Variants in FBXL13 observed in about 807,000 individuals in gnomAD.
FBXL13 encodes F-box and leucine rich repeat protein 13.
In FBXL13, 67 loss-of-function variants were observed where a neutral mutation model predicts 83.6. The ratio of observed to expected loss-of-function variants is 0.80; its 90% CI spans 0.66 to 0.98. The LOEUF is 0.98. Among genes scored for constraint, FBXL13 ranks in the 50% least tolerant of loss-of-function variants. The pLI, the probability that FBXL13 is intolerant of heterozygous loss-of-function variation, is 0.00. For synonymous variants in FBXL13, 272 were observed against 299.5 expected (o/e 0.91, Z 0.95); for missense variants, 822 against 866.5 (o/e 0.95, Z 0.64).
chr7:102,951,805 CAAAAAAAA>C (rs5886239), intron 8 of FBXL13, among the ~76,000 whole-genome samples: 2 of 88,100 alleles, frequency 2.3e-5, no homozygotes, highest in Admixed American at 1.3e-4. Flanking sequence ...ACTCTCTCTC[CAAAAAAAA>C]AAAAAAAAAA....
At chr7:102,855,669 G>A (rs543265801) in intron 16 of FBXL13, among the ~76,000 whole-genome samples, 20 of 115,572 alleles carry the variant, frequency 1.7e-4, no homozygotes, top group South Asian at 3.2e-4. Flanking sequence ...CTCACCTGCC[G>A]CCATTCTATG....
chr7:102,903,702 C>T (rs916621292), intron 11 of FBXL13, among the ~76,000 whole-genome samples: 2 of 151,874 alleles, frequency 1.3e-5, no homozygotes, highest in Non-Finnish European at 2.9e-5. Flanking sequence ...TGATCAAATG[C>T]TTTCCAGCAT....
At chr7:102,992,478 A>G (rs1326188120) in intron 6 of FBXL13, among the ~76,000 whole-genome samples, 1 of 152,108 alleles carries the variant, frequency 6.6e-6, no homozygotes, top group Non-Finnish European at 1.5e-5. Flanking sequence ...GCTGCCTCTT[A>G]CTGGGGTATA....
intron 4 of FBXL13, among the ~76,000 whole-genome samples, chr7:103,028,215 T>C (rs895876116): frequency 6.6e-6 from 1 of 152,210 alleles, no homozygotes; most frequent in East Asian, 1.9e-4. Flanking sequence ...TTTAGTTTCG[T>C]CATATATACA....
intron 17 of FBXL13, among the ~76,000 whole-genome samples, chr7:102,846,527 G>A (rs1451485889): frequency 7.7e-6 from 1 of 129,406 alleles, no homozygotes; most frequent in South Asian, 2.3e-4. Context: ...GCTGAGGTGG[G>A]AGAATTGTCT....
chr7:102,963,636 A>T (rs1825626579), exon 8 of FBXL13: 1 of 1,604,194 alleles, frequency 6.2e-7, no homozygotes, highest in African/African-American at 1.3e-5. Flanking sequence ...ATTTATCTGG[A>T]ATCACATTTT....
intron 9 of FBXL13, among the ~76,000 whole-genome samples, chr7:102,927,677 G>A (rs1818383680): frequency 6.6e-6 from 1 of 152,184 alleles, no homozygotes; most frequent in Admixed American, 6.5e-5. Flanking sequence ...CACCCATGCT[G>A]CATGAGAGGC....
intron 18 of FBXL13, chr7:102,822,513 C>T (rs776849189): frequency 8.6e-5 from 44 of 514,306 alleles, no homozygotes; most frequent in Admixed American, 2.3e-4. Context: ...ATCATGGGAG[C>T]TCTACCCTTA....
chr7:102,935,236 T>C (rs1415922008), intron 8 of FBXL13, among the ~76,000 whole-genome samples: 2 of 129,114 alleles, frequency 1.5e-5, no homozygotes, highest in Admixed American at 1.0e-4. Context: ...CTTTTTTTTT[T>C]TCTTTCTTTT....
chr7:102,911,628 A>T (rs1160682423), intron 11 of FBXL13, among the ~76,000 whole-genome samples: 1 of 152,196 alleles, frequency 6.6e-6, no homozygotes, highest in Non-Finnish European at 1.5e-5. Context: ...CTGAGTTGTA[A>T]AACTGTCAAG....
intron 6 of FBXL13, among the ~76,000 whole-genome samples, chr7:102,972,557 C>T (rs1826834589): frequency 6.6e-6 from 1 of 152,066 alleles, no homozygotes; most frequent in African/African-American, 2.4e-5. Flanking sequence ...TAGTACACTA[C>T]TTGGTAATGG....
At chr7:102,825,845 G>C (rs1799532994) in intron 18 of FBXL13, among the ~76,000 whole-genome samples, 1 of 152,092 alleles carries the variant, frequency 6.6e-6, no homozygotes, top group Non-Finnish European at 1.5e-5. Flanking sequence ...GAATTCCCCA[G>C]CTCTGGCACT....
chr7:103,066,789 G>A (rs1585642678), intron 1 of FBXL13, among the ~76,000 whole-genome samples: 1 of 151,362 alleles, frequency 6.6e-6, no homozygotes, highest in East Asian at 1.9e-4. Context: ...AATTTTGTGA[G>A]GATTTTTTTT....
intron 6 of FBXL13, among the ~76,000 whole-genome samples, chr7:102,972,474 T>C (rs574316707): frequency 6.6e-6 from 1 of 152,164 alleles, no homozygotes; most frequent in East Asian, 1.9e-4. Context: ...ACCAGTAAAA[T>C]CATAGAAATA....
At chr7:103,048,398 CTT>C (rs34942143) in intron 2 of FBXL13, among the ~76,000 whole-genome samples, 173 of 143,694 alleles carry the variant, frequency 1.2e-3, no homozygotes, top group Non-Finnish European at 1.4e-3. Flanking sequence ...TCTTTCCTTT[CTT>C]TTTTTTTTTT....
chr7:102,882,783 A>G (rs1247243953), intron 14 of FBXL13, among the ~76,000 whole-genome samples: 2 of 151,930 alleles, frequency 1.3e-5, no homozygotes, highest in African/African-American at 4.8e-5. Flanking sequence ...AAAACAAAAC[A>G]AAACAAAACA....
chr7:102,914,293 G>A (rs1390752926), intron 10 of FBXL13, among the ~76,000 whole-genome samples: 2 of 152,150 alleles, frequency 1.3e-5, no homozygotes, highest in African/African-American at 4.8e-5. Context: ...GGCTGGCCTC[G>A]AACTCCTGAC....
chr7:102,874,055 T>C (rs149827974), intron 16 of FBXL13, among the ~76,000 whole-genome samples: 17 of 152,374 alleles, frequency 1.1e-4, no homozygotes, highest in African/African-American at 4.1e-4. Context: ...ACTTGTTAAC[T>C]AAATGTGTAG....
intron 10 of FBXL13, among the ~76,000 whole-genome samples, chr7:102,922,733 G>A (rs1360894948): frequency 2.0e-5 from 3 of 152,164 alleles, no homozygotes; most frequent in Non-Finnish European, 2.9e-5. Context: ...AGCACTTTGG[G>A]AGGCCGAGGC....
Sources: allele counts gnomAD v4.1 joint callset (sites outside exome capture counted in the v4.1 genomes callset), GRCh38; gene constraint gnomAD v4.1.1; transcripts MANE v1.5; gene names NCBI Gene and HGNC (gene_info 2026-07-23, HGNC 2026-07-21).